SLC39A11: variants seen among roughly 807,000 people sequenced by gnomAD.
The protein encoded by SLC39A11 is zinc transporter ZIP11.
SLC39A11 carries 33 observed loss-of-function variants against 36.1 expected under a neutral mutation model. The ratio of observed to expected loss-of-function variants is 0.91; its 90% CI spans 0.69 to 1.22. The LOEUF is 1.22. Ranked by LOEUF, SLC39A11 falls within the 50% of genes most tolerant of loss-of-function variation. SLC39A11 has a pLI of 0.00. For missense variants in SLC39A11, 432 were observed against 430.3 expected (o/e 1.00, Z -0.03); for synonymous variants, 166 against 170.3 (o/e 0.97, Z 0.20).
chr17:72,937,289 T>C (rs1228438064), intron 5 of SLC39A11, among the ~76,000 whole-genome samples: 2 of 151,786 alleles, frequency 1.3e-5, no homozygotes, highest in Non-Finnish European at 1.5e-5. Context: ...TGGTATCTAC[T>C]AAAAAAAGTA....
chr17:73,001,471 A>C (rs1200036840), intron 4 of SLC39A11, among the ~76,000 whole-genome samples: 1 of 150,126 alleles, frequency 6.7e-6, no homozygotes, highest in Non-Finnish European at 1.5e-5. Context: ...CTAAATGACG[A>C]GTTAATGGGT....
chr17:73,005,460 T>C (rs553397564), intron 4 of SLC39A11, among the ~76,000 whole-genome samples: 6 of 152,336 alleles, frequency 3.9e-5, no homozygotes, highest in Non-Finnish European at 5.9e-5. Context: ...TTAACCCTCA[T>C]GGCCACCCTC....
chr17:72,793,363 C>G lies in SLC39A11; in HGVS notation c.601+56271G>C, dbSNP rs976567609. Among the ~76,000 whole-genome samples the G allele has an allele frequency of 4.6e-5, 7 of 152,108 alleles. No homozygotes were observed. The South Asian group carries it at 1.2e-3, about 27-fold the overall frequency. On this transcript the variant is annotated intron_variant, in intron 6 of 9. Coordinates refer to ENST00000255559, the MANE Select transcript of SLC39A11 (RefSeq NM_139177.4). ...AGCTGAGAAAGCATTCTCCAGTTAG[C>G]CACAGACCCCACCCCTCCCTACTGT...
chr17:72,824,154 G>C (rs1340011646), intron 6 of SLC39A11, among the ~76,000 whole-genome samples: 1 of 151,194 alleles, frequency 6.6e-6, no homozygotes, highest in African/African-American at 2.4e-5. Context: ...CCCGGTGGGA[G>C]GTGACTGGAT....
chr17:72,933,241 G>A (rs1274550166), intron 5 of SLC39A11, among the ~76,000 whole-genome samples: 1 of 151,968 alleles, frequency 6.6e-6, no homozygotes, highest in African/African-American at 2.4e-5. Context: ...GAGGATACAG[G>A]GCTAGCACAT....
At chr17:73,008,744 T>A (rs965854931) in intron 4 of SLC39A11, among the ~76,000 whole-genome samples, 1 of 152,070 alleles carries the variant, frequency 6.6e-6, no homozygotes, top group African/African-American at 2.4e-5. Context: ...TGGAATATTC[T>A]TCATCCAAAA....
At chr17:72,943,163 G>T (rs1245423378) in intron 5 of SLC39A11, among the ~76,000 whole-genome samples, 1 of 152,200 alleles carries the variant, frequency 6.6e-6, no homozygotes. Flanking sequence ...ACTCCATCGT[G>T]TTCCCGAACA....
intron 7 of SLC39A11, among the ~76,000 whole-genome samples, chr17:72,673,016 T>C (rs966073592): frequency 1.3e-5 from 2 of 152,228 alleles, no homozygotes; most frequent in African/African-American, 4.8e-5. Context: ...AAAGACTTTA[T>C]GGCCCACAAA....
At chr17:72,687,352 T>A (rs2144378545) in intron 7 of SLC39A11, among the ~76,000 whole-genome samples, 1 of 152,288 alleles carries the variant, frequency 6.6e-6, no homozygotes, top group African/African-American at 2.4e-5. Context: ...GCCTTCCGGC[T>A]CCTGCCTCAG....
intron 4 of SLC39A11, among the ~76,000 whole-genome samples, chr17:73,006,058 C>A (rs2090160808): frequency 6.6e-6 from 1 of 152,132 alleles, no homozygotes; most frequent in Admixed American, 6.6e-5. Context: ...AGACAGGACA[C>A]ACACTCCATG....
chr17:73,091,354 T>A (rs977012284), intron 1 of SLC39A11, among the ~76,000 whole-genome samples: 1 of 151,134 alleles, frequency 6.6e-6, no homozygotes, highest in Non-Finnish European at 1.5e-5. Context: ...GAGGCAGGAG[T>A]AATCGCTTGA....
chr17:72,936,489 G>A (rs371473213), intron 5 of SLC39A11, among the ~76,000 whole-genome samples: 141 of 149,494 alleles, frequency 9.4e-4, no homozygotes, highest in African/African-American at 3.3e-3. Context: ...CCTAGGAAAG[G>A]CAATGGAAAT....
chr17:72,953,069 T>A (rs1438298528), intron 4 of SLC39A11, among the ~76,000 whole-genome samples: 1 of 152,074 alleles, frequency 6.6e-6, no homozygotes, highest in Non-Finnish European at 1.5e-5. Context: ...TCTTCCCGCA[T>A]CCCCACCCAC....
At position 72,649,279 on chromosome 17, in the gene SLC39A11, A is replaced by G. The variant is rs756218716; in HGVS notation, c.672-11T>C. 1.5e-5 allele frequency: 24 copies of G among 1,612,832 alleles called. No homozygotes were observed. The highest frequency in any genetic ancestry group is 2.0e-5 in the Non-Finnish European group (24 of 1,179,202). On this transcript the variant is annotated splice_polypyrimidine_tract_variant and intron_variant, in intron 7 of 9. Coordinates refer to ENST00000255559, the MANE Select transcript of SLC39A11 (RefSeq NM_139177.4). ...CCAATGGCCAAATTCCTGAAAAACCAAGAAAGCACATGAAGGCTGCTGTCT... is the reference window on the plus strand; with the variant it reads ...CCAATGGCCAAATTCCTGAAAAACCGAGAAAGCACATGAAGGCTGCTGTCT...
chr17:73,067,935 G>C (rs2060045536), intron 3 of SLC39A11: 2 of 1,603,034 alleles, frequency 1.2e-6, no homozygotes, highest in African/African-American at 1.3e-5. Context: ...CACTCAGAGA[G>C]AGTTCCAACT....
At chr17:72,943,958 G>C (rs762312220) in intron 5 of SLC39A11, among the ~76,000 whole-genome samples, 1 of 152,122 alleles carries the variant, frequency 6.6e-6, no homozygotes, top group Non-Finnish European at 1.5e-5. Context: ...AGAGGAGTGG[G>C]ACTGAATTAA....
intron 7 of SLC39A11, among the ~76,000 whole-genome samples, chr17:72,696,530 C>T (rs1459395795): frequency 6.6e-6 from 1 of 152,088 alleles, no homozygotes; most frequent in African/African-American, 2.4e-5. Context: ...ATGGACTCTC[C>T]TCACCATTCC....
intron 6 of SLC39A11, among the ~76,000 whole-genome samples, chr17:72,811,329 T>C (rs1485032860): frequency 6.6e-6 from 1 of 152,210 alleles, no homozygotes; most frequent in Non-Finnish European, 1.5e-5. Flanking sequence ...CCCACCATTA[T>C]GACCTAATTA....
intron 3 of SLC39A11, among the ~76,000 whole-genome samples, chr17:73,082,278 C>T (rs1200468113): frequency 6.6e-6 from 1 of 151,640 alleles, no homozygotes; most frequent in African/African-American, 2.4e-5. Flanking sequence ...GAAAGAGATA[C>T]ATAAGAATAA....
Sources: allele counts gnomAD v4.1 joint callset (sites outside exome capture counted in the v4.1 genomes callset), GRCh38; gene constraint gnomAD v4.1.1; transcripts MANE v1.5; gene names NCBI Gene and HGNC (gene_info 2026-07-23, HGNC 2026-07-21).